The following SCARA3 variants were observed in gnomAD, a reference collection of about 807,000 sequenced individuals.
The protein encoded by SCARA3 is scavenger receptor class A member 3.
Under a neutral mutation model 47.0 loss-of-function variants are expected in SCARA3, and 39 were observed. The ratio of observed to expected loss-of-function variants is 0.83; its 90% CI spans 0.64 to 1.08. The LOEUF (loss-of-function observed/expected upper bound fraction) is 1.08. Among genes scored for constraint, SCARA3 ranks in the 50% least tolerant of loss-of-function variants. The pLI is 0.00. For missense variants in SCARA3, 724 were observed against 792.3 expected (o/e 0.91, Z 1.04); for synonymous variants, 356 against 334.1 (o/e 1.07, Z -0.71).
chr8:27,638,629 A>G (rs954365910), intron 1 of SCARA3, among the ~76,000 whole-genome samples: 1 of 152,136 alleles, frequency 6.6e-6, no homozygotes, highest in Admixed American at 6.5e-5. Context: ...AGATGCCTGT[A>G]TTCAACAAAC....
At chr8:27,733,834 A>C in the SCARA3 span, 1 of 152,148 alleles carries the variant, frequency 6.6e-6, no homozygotes. Flanking sequence ...TCCAGCTTGG[A>C]AAACAAGAGC....
chr8:27,642,916 G>T (rs1357299370), intron 1 of SCARA3, among the ~76,000 whole-genome samples: 1 of 152,204 alleles, frequency 6.6e-6, no homozygotes, highest in African/African-American at 2.4e-5. Context: ...AGTCGGGGGG[G>T]TTGGTGCTGT....
chr8:27,713,483 T>C, the SCARA3 span, among the ~76,000 whole-genome samples: 1 of 152,236 alleles, frequency 6.6e-6, no homozygotes, highest in Non-Finnish European at 1.5e-5. Context: ...TACCCTATTC[T>C]TTGTCAAACT....
chr8:27,661,797 G>C (rs141368241), intron 5 of SCARA3, among the ~76,000 whole-genome samples: 4 of 152,076 alleles, frequency 2.6e-5, no homozygotes, highest in African/African-American at 7.3e-5. Flanking sequence ...AAGGGTCTGG[G>C]CTATAGTATT....
the SCARA3 span, among the ~76,000 whole-genome samples, chr8:27,718,224 T>C: frequency 1.3e-5 from 2 of 152,246 alleles, no homozygotes; most frequent in Non-Finnish European, 2.9e-5. Flanking sequence ...TGCCCCCTCC[T>C]CTGTGCTCGC....
chr8:27,716,550 T>C, the SCARA3 span, among the ~76,000 whole-genome samples: 2 of 152,114 alleles, frequency 1.3e-5, no homozygotes, highest in African/African-American at 2.4e-5. Context: ...TTGGATGAAA[T>C]AGGAAATCTA....
intron 1 of SCARA3, among the ~76,000 whole-genome samples, chr8:27,636,892 G>T (rs1801265221): frequency 6.6e-6 from 1 of 152,200 alleles, no homozygotes; most frequent in Non-Finnish European, 1.5e-5. Flanking sequence ...GATCTGTGGG[G>T]TGTAAAGAAC....
the SCARA3 span, among the ~76,000 whole-genome samples, chr8:27,718,401 C>T: frequency 6.6e-6 from 1 of 152,344 alleles, no homozygotes; most frequent in East Asian, 1.9e-4. Context: ...AAAACAGTCC[C>T]CAAAACATTA....
At chr8:27,656,480 T>C (rs1218887987) in intron 3 of SCARA3, among the ~76,000 whole-genome samples, 1 of 152,164 alleles carries the variant, frequency 6.6e-6, no homozygotes, top group African/African-American at 2.4e-5. Flanking sequence ...CAGCAACCTT[T>C]GGGTGGTAGG....
the SCARA3 span, among the ~76,000 whole-genome samples, chr8:27,690,721 G>A: frequency 3.3e-5 from 5 of 151,994 alleles, no homozygotes; most frequent in Non-Finnish European, 7.4e-5. Flanking sequence ...TATAAGACAG[G>A]GTCTCGTTCT....
chr8:27,659,169 C>T lies in SCARA3; in HGVS notation c.999C>T (p.His333=), dbSNP rs972488462. 9 of 1,614,064 alleles carry T rather than the reference C, an allele frequency of 5.6e-6. No homozygotes were observed. The highest frequency in any genetic ancestry group is 6.8e-6 in the Non-Finnish European group (8 of 1,180,036). Residue 333 remains histidine (H), a synonymous_variant, in exon 5 of 6, where the codon CAC becomes CAT. Coordinates refer to ENST00000301904, the MANE Select transcript of SCARA3 (RefSeq NM_016240.3). ...TGCATGATCTTCAGTACCATACCCACTACGCCCAGAACCGCACTGTGGAGA... is the reference window on the plus strand; with the variant it reads ...TGCATGATCTTCAGTACCATACCCATTACGCCCAGAACCGCACTGTGGAGA... ...ENMHDLQYHT[H]YAQNRTVERF...
chr8:27,676,576 T>A (rs757180917), downstream of SCARA3: 4 of 1,601,582 alleles, frequency 2.5e-6, no homozygotes, highest in Non-Finnish European at 2.6e-6. Context: ...TAGGTCACAC[T>A]TTGTTTTCAC....
At chr8:27,686,374 G>A in the SCARA3 span, among the ~76,000 whole-genome samples, 1 of 152,042 alleles carries the variant, frequency 6.6e-6, no homozygotes, top group African/African-American at 2.4e-5. Flanking sequence ...AGCCTGGGAG[G>A]TCGAGGCTGC....
the SCARA3 span, chr8:27,734,106 C>A: frequency 6.6e-6 from 1 of 152,198 alleles, no homozygotes; most frequent in African/African-American, 2.4e-5. Flanking sequence ...AATGTCAGTG[C>A]CTTTCAATAA....
chr8:27,671,543 T>C lies in SCARA3; in HGVS notation c.*192T>C, dbSNP rs489395. On this transcript the variant is annotated 3_prime_UTR_variant, in exon 6 of 6. Coordinates refer to ENST00000301904, the MANE Select transcript of SCARA3 (RefSeq NM_016240.3). ...TAGGAAAGCAGCCCCTCCTCACACATACATGTGCACATGCACACACATGCA... is the reference window on the plus strand; with the variant it reads ...TAGGAAAGCAGCCCCTCCTCACACACACATGTGCACATGCACACACATGCA... 0.32 allele frequency: 412,834 copies of C among 1,285,392 alleles called. 67,854 individuals carry two copies. The highest frequency in any genetic ancestry group is 0.43 in the South Asian group (14,027 of 32,482). 79.6% of individuals were successfully genotyped at this position (1,285,392 alleles called of 1,614,324 possible).
chr8:27,635,011 G>GT (rs1398497369), intron 1 of SCARA3, among the ~76,000 whole-genome samples: 7 of 152,164 alleles, frequency 4.6e-5, no homozygotes, highest in Non-Finnish European at 8.8e-5. Context: ...CATTTCGGGT[G>GT]TCTTTCAGTA....
At chr8:27,659,604 C>A in intron 5 of SCARA3, 65 bp downstream of exon 5, 1 of 1,404,828 alleles carries the variant, frequency 7.1e-7, no homozygotes, top group Non-Finnish European at 9.6e-7. Context: ...TCTTGCTGGA[C>A]ACAGAAGTAC....
intron 1 of SCARA3, among the ~76,000 whole-genome samples, chr8:27,636,172 C>G (rs1014873624): frequency 2.6e-5 from 4 of 152,210 alleles, no homozygotes; most frequent in African/African-American, 9.6e-5. Flanking sequence ...TTACTGGAAG[C>G]CTCCAGAAAG....
chr8:27,700,950 G>A, the SCARA3 span, among the ~76,000 whole-genome samples: 6 of 152,144 alleles, frequency 3.9e-5, no homozygotes, highest in Admixed American at 2.0e-4. Flanking sequence ...CAAGAGAAAT[G>A]AAAATGTTTT....
Sources: allele counts gnomAD v4.1 joint callset (sites outside exome capture counted in the v4.1 genomes callset), GRCh38; gene constraint gnomAD v4.1.1; transcripts MANE v1.5; gene names NCBI Gene and HGNC (gene_info 2026-07-23, HGNC 2026-07-21).